DYNC2H1: variants seen among roughly 807,000 people sequenced by gnomAD.
The protein encoded by DYNC2H1 is dynein cytoplasmic 2 heavy chain 1.
In DYNC2H1, 410 loss-of-function variants were observed where a neutral mutation model predicts 570.0. That is an observed-to-expected ratio of 0.72 (90% CI 0.66 to 0.78). DYNC2H1 has a LOEUF of 0.78. Among genes scored for constraint, DYNC2H1 ranks in the 30% least tolerant of loss-of-function variants. DYNC2H1 has a pLI of 0.00. For missense variants in DYNC2H1, 4,865 were observed against 5,046.4 expected (o/e 0.96, Z 1.09); for synonymous variants, 1,688 against 1,677.6 (o/e 1.01, Z -0.15).
chr11:103,236,611 C>T (rs530950664), intron 63 of DYNC2H1, 72 bp downstream of exon 63: 77 of 817,942 alleles, frequency 9.4e-5, no homozygotes, highest in Non-Finnish European at 1.2e-4. Context: ...TTGTGTTCTT[C>T]GTATTCTTAG....
chr11:103,282,782 A>G (rs765912211), intron 72 of DYNC2H1, among the ~76,000 whole-genome samples: 16 of 152,050 alleles, frequency 1.1e-4, no homozygotes, highest in Non-Finnish European at 2.1e-4. Flanking sequence ...AGTTTCATGA[A>G]AGATTAAGCA....
chr11:103,274,599 A>C (rs541621083), intron 70 of DYNC2H1, among the ~76,000 whole-genome samples: 70 of 152,262 alleles, frequency 4.6e-4, no homozygotes, highest in Non-Finnish European at 9.3e-4. Context: ...TTTAACTACA[A>C]ATCTGAATTT....
At chr11:103,263,663 C>T (rs919778412) in intron 70 of DYNC2H1, among the ~76,000 whole-genome samples, 4 of 151,870 alleles carry the variant, frequency 2.6e-5, no homozygotes, top group South Asian at 4.2e-4. Flanking sequence ...TTGAAACCAA[C>T]GAGAACAAAG....
intron 82 of DYNC2H1, among the ~76,000 whole-genome samples, chr11:103,349,437 G>A (rs1201739012): frequency 6.6e-6 from 1 of 152,020 alleles, no homozygotes; most frequent in East Asian, 1.9e-4. Context: ...CTATCAGTAG[G>A]TAGGATTGTT....
intron 83 of DYNC2H1, among the ~76,000 whole-genome samples, chr11:103,393,227 T>A (rs1290783947): frequency 6.6e-6 from 1 of 152,248 alleles, no homozygotes. Flanking sequence ...GAAAGGCATA[T>A]GCCTGACACA....
In DYNC2H1 at chr11:103,387,053, C is replaced by A. The variant is rs1366346724; in HGVS notation, c.12157-12610C>A. On this transcript the variant is annotated intron_variant, in intron 83 of 88. Coordinates refer to ENST00000375735, the MANE Select transcript of DYNC2H1 (RefSeq NM_001377.3). ...GCTGGGTCAAATGGTATTTCTAGTTCTAGATCCCTGAGGAATCGCCGTACT... is the reference window on the plus strand; with the variant it reads ...GCTGGGTCAAATGGTATTTCTAGTTATAGATCCCTGAGGAATCGCCGTACT... Among the ~76,000 whole-genome samples the A allele has an allele frequency of 3.3e-5, 5 of 152,176 alleles. No individual in the cohort carries two copies. In the East Asian group the frequency reaches 7.7e-4, roughly 23 times the overall value.
intron 82 of DYNC2H1, among the ~76,000 whole-genome samples, chr11:103,328,721 C>A (rs313390): frequency 0.31 from 46,445 of 152,096 alleles, 8,546 homozygotes; most frequent in Non-Finnish European, 0.4. Flanking sequence ...TGTACAGATG[C>A]TGTGTGTCAG....
chr11:103,392,657 A>G (rs1249393960), intron 83 of DYNC2H1, among the ~76,000 whole-genome samples: 2 of 152,272 alleles, frequency 1.3e-5, no homozygotes, highest in South Asian at 4.1e-4. Context: ...TCTAAGAATC[A>G]GTCATGCACA....
intron 88 of DYNC2H1, among the ~76,000 whole-genome samples, chr11:103,473,389 G>A (rs563549653): frequency 6.6e-6 from 1 of 151,234 alleles, no homozygotes; most frequent in African/African-American, 2.4e-5. Context: ...TTCCAGTTCG[G>A]TGCAGTATTT....
At chr11:103,122,082 G>T (rs1248761369) in intron 10 of DYNC2H1, among the ~76,000 whole-genome samples, 1 of 152,204 alleles carries the variant, frequency 6.6e-6, no homozygotes, top group Non-Finnish European at 1.5e-5. Context: ...GTCTAAGGTA[G>T]TGAGAACAAT....
intron 17 of DYNC2H1, among the ~76,000 whole-genome samples, chr11:103,142,159 C>T (rs866757103): frequency 2.6e-5 from 4 of 152,242 alleles, no homozygotes; most frequent in African/African-American, 4.8e-5. Context: ...CCTTGCACTT[C>T]GCGAGTGAGG....
At chr11:103,361,736 GTTA>G (rs762043844) in intron 83 of DYNC2H1, among the ~76,000 whole-genome samples, 1 of 151,942 alleles carries the variant, frequency 6.6e-6, no homozygotes, top group Non-Finnish European at 1.5e-5. Context: ...AAAATGTAGA[GTTA>G]TTATGAGAAA....
At chr11:103,160,060 CTA>C (rs1861022237) in intron 28 of DYNC2H1, among the ~76,000 whole-genome samples, 1 of 152,068 alleles carries the variant, frequency 6.6e-6, no homozygotes, top group Non-Finnish European at 1.5e-5. Context: ...ATATTTGTAA[CTA>C]TGATTTGGGC....
intron 84 of DYNC2H1, among the ~76,000 whole-genome samples, chr11:103,423,701 G>T (rs1211670856): frequency 6.6e-6 from 1 of 151,452 alleles, no homozygotes; most frequent in East Asian, 1.9e-4. Context: ...CTTAACAAAG[G>T]AACCTACAGC....
At chr11:103,253,546 T>G (rs1321959183) in intron 66 of DYNC2H1, 98 bp downstream of exon 66, 1 of 1,148,760 alleles carries the variant, frequency 8.7e-7, no homozygotes. Flanking sequence ...GACTAATTAG[T>G]ATTTACATTT....
At chr11:103,336,077 C>T (rs1939106584) in intron 82 of DYNC2H1, among the ~76,000 whole-genome samples, 1 of 152,106 alleles carries the variant, frequency 6.6e-6, no homozygotes, top group Non-Finnish European at 1.5e-5. Context: ...TACCACATAA[C>T]CTTCTTATAT....
rs1198291423 is a variant in DYNC2H1 at position 103,243,788 on chromosome 11, G to A, written c.9915G>A (p.Gln3305=). Residue 3305 remains glutamine (Q), a synonymous_variant, in exon 64 of 89, where the codon CAG becomes CAA. Coordinates refer to ENST00000375735, the MANE Select transcript of DYNC2H1 (RefSeq NM_001377.3). The surrounding 1 kb of genome is among the most constrained non-coding windows in gnomAD (Gnocchi z 4.8). Reference sequence around the variant, plus strand: ...ACTCACGTTTAGAAGTTATCAATCAGCAGGTATGTATTATTTATAATTTAC... The same window carrying A: ...ACTCACGTTTAGAAGTTATCAATCAACAGGTATGTATTATTTATAATTTAC... ...LKDSRLEVIN[Q]QDSNFITALE... is the part of the protein sequence containing the mutation. The A allele has an allele frequency of 3.8e-6, 6 of 1,578,658 alleles. No homozygotes were observed. The highest frequency in any genetic ancestry group is 1.4e-5 in the African/African-American group (1 of 74,056).
Position 103,120,582 on chromosome 11 carries a change from GTTGTATATATAT to G in DYNC2H1, c.1134+6_1134+17del. The G allele has an allele frequency of 1.2e-6, 2 of 1,608,986 alleles. No homozygotes were observed. The highest frequency in any genetic ancestry group is 1.7e-6 in the Non-Finnish European group (2 of 1,177,734). ...TGTGCAATATAATCCATATACTGAG[GTTGTATATATAT>G]TTGTTTATGTCTGTACAGTTTCCTG... On this transcript the variant is annotated splice_donor_variant and splice_donor_5th_base_variant and intron_variant, in intron 7 of 88. Transcript: ENST00000375735. LOFTEE classifies it high-confidence loss of function.
rs530846965 is a variant in DYNC2H1, at chr11:103,369,494, A to G, written c.12156+11135A>G. ...GGCACCTGCTGGGGCAGCTAAGGGA[A>G]TGCTGGCATCACCCCTCTCCTAACC... On this transcript the variant is annotated intron_variant, in intron 83 of 88. Transcript: ENST00000375735. This position sits in a 1 kb window ranked among gnomAD's most constrained non-coding sequence, Gnocchi z 4.0. Among the ~76,000 whole-genome samples, 1 of 152,180 alleles carries G rather than the reference A, an allele frequency of 6.6e-6. No individual in the cohort carries two copies. Among genetic ancestry groups the G allele is most frequent in the African/African-American group, 2.4e-5 (1 of 41,456 alleles).
Sources: allele counts gnomAD v4.1 joint callset (sites outside exome capture counted in the v4.1 genomes callset), GRCh38; gene constraint gnomAD v4.1.1; non-coding constraint Gnocchi (gnomAD v3.1); transcripts MANE v1.5; gene names NCBI Gene and HGNC (gene_info 2026-07-23, HGNC 2026-07-21).